RRBP1: variants seen among roughly 807,000 people sequenced by gnomAD.
RRBP1 encodes the protein ribosome binding protein 1.
In RRBP1, 94 loss-of-function variants were observed where a neutral mutation model predicts 165.2. The observed-to-expected ratio is 0.57, with a 90% confidence interval of 0.48 to 0.68. The LOEUF is 0.68. Ranked by LOEUF, RRBP1 falls within the 30% of genes least tolerant of loss-of-function variation. The pLI is 0.00. For missense variants in RRBP1, 1,676 were observed against 1,763.0 expected (o/e 0.95, Z 0.88); for synonymous variants, 680 against 714.5 (o/e 0.95, Z 0.77).
At chr20:17,637,810 G>A (rs894736788) in intron 5 of RRBP1, among the ~76,000 whole-genome samples, 3 of 152,206 alleles carry the variant, frequency 2.0e-5, no homozygotes, top group Non-Finnish European at 4.4e-5. Context: ...CGGGGTGAGA[G>A]GCCCACAGGA....
chr20:17,679,119 G>C (rs1207449606), intron 2 of RRBP1, among the ~76,000 whole-genome samples: 1 of 152,222 alleles, frequency 6.6e-6, no homozygotes, highest in Non-Finnish European at 1.5e-5. Context: ...TGACCAGCTG[G>C]ACCTCCACAT....
intron 8 of RRBP1, among the ~76,000 whole-genome samples, chr20:17,632,660 C>T (rs1235378054): frequency 3.7e-4 from 3 of 8,158 alleles, no homozygotes; most frequent in African/African-American, 5.8e-4. Context: ...GGCCCTAAGC[C>T]CCTGGGGTCT....
At chr20:17,651,938 A>ACCACTCCTGCCAGGTCTC (rs2036566615) in intron 3 of RRBP1, among the ~76,000 whole-genome samples, 1 of 152,196 alleles carries the variant, frequency 6.6e-6, no homozygotes, top group African/African-American at 2.4e-5. Context: ...TCCTGGGCCT[A>ACCACTCCTGCCAGGTCTC]CCACTCCTGC....
chr20:17,660,359 G>C lies in RRBP1; in HGVS notation c.149C>G (p.Ala50Gly). ...EALANQRKEMAKTHHQKVEKK... is the reference protein window; with the variant it reads ...EALANQRKEMGKTHHQKVEKK... ...CTCGACTTTCTGGTGGTGAGTTTTC[G>C]CCATCTCCTTGCGCTGGTTGGCTAG... The change falls in exon 3 of 25, where the codon GCG becomes GGG. Residue 50 changes from alanine to glycine, a missense_variant. Transcript: ENST00000377813. 6.2e-7 allele frequency: 1 copy of C among 1,613,734 alleles called. No homozygotes were observed. Among genetic ancestry groups the C allele is most frequent in the Non-Finnish European group, 8.5e-7 (1 of 1,179,952 alleles).
Position 17,627,687 on chromosome 20 carries a change from T to G in RRBP1, c.2750-5A>C. ...ACTGTAACTTGCTGTGCAGCTCTGG[T>G]GCAGAGGAAGGGAAACGAGAAGTTA... On this transcript the variant is annotated splice_region_variant and splice_polypyrimidine_tract_variant and intron_variant, in intron 9 of 24. Coordinates refer to ENST00000377813, the MANE Select transcript of RRBP1 (RefSeq NM_001365613.2). The G allele has an allele frequency of 6.3e-7, 1 of 1,584,520 alleles. No homozygotes were observed. Among genetic ancestry groups the G allele is most frequent in the Non-Finnish European group, 8.6e-7 (1 of 1,163,868 alleles).
At chr20:17,624,267 A>G (rs534183161) in intron 13 of RRBP1, among the ~76,000 whole-genome samples, 24 of 152,248 alleles carry the variant, frequency 1.6e-4, no homozygotes, top group African/African-American at 5.5e-4. Context: ...GGCCAAGGCC[A>G]CTCTGTGCGC....
chr20:17,630,199 T>A (rs1037890499), intron 8 of RRBP1, among the ~76,000 whole-genome samples: 3 of 152,224 alleles, frequency 2.0e-5, no homozygotes. Context: ...CCCAGTTCTT[T>A]TCTGAGTCCC....
chr20:17,660,754 C>G (rs1346000266), intron 2 of RRBP1, among the ~76,000 whole-genome samples: 1 of 152,178 alleles, frequency 6.6e-6, no homozygotes, highest in African/African-American at 2.4e-5. Flanking sequence ...TACAAAGCAA[C>G]AGCAGAGTCA....
intron 6 of RRBP1, among the ~76,000 whole-genome samples, chr20:17,636,023 G>A (rs1421004663): frequency 1.3e-5 from 2 of 152,232 alleles, no homozygotes; most frequent in East Asian, 3.9e-4. Context: ...CCCCCCTGAG[G>A]AAGCCTCGAT....
chr20:17,676,465 C>A (rs2122515181), intron 2 of RRBP1, among the ~76,000 whole-genome samples: 1 of 152,278 alleles, frequency 6.6e-6, no homozygotes, highest in South Asian at 2.1e-4. Flanking sequence ...GTCACTCACT[C>A]ACTCCAGGGA....
At chr20:17,637,021 T>C (rs1290181639) in intron 5 of RRBP1, among the ~76,000 whole-genome samples, 2 of 152,206 alleles carry the variant, frequency 1.3e-5, no homozygotes, top group Non-Finnish European at 2.9e-5. Context: ...GTGCTGTCCC[T>C]GGCTCTCCAG....
At chr20:17,631,694 G>T (rs889048445) in intron 8 of RRBP1, among the ~76,000 whole-genome samples, 7 of 152,230 alleles carry the variant, frequency 4.6e-5, no homozygotes, top group African/African-American at 1.7e-4. Context: ...TTCCAAGCAG[G>T]CCCCAAGAGG....
At chr20:17,671,438 C>T (rs1020528772) in intron 2 of RRBP1, among the ~76,000 whole-genome samples, 1 of 152,188 alleles carries the variant, frequency 6.6e-6, no homozygotes, top group African/African-American at 2.4e-5. Flanking sequence ...CTGGACTGAC[C>T]CAGGAACACT....
At chr20:17,642,042 T>C (rs1411346896) in intron 4 of RRBP1, 123 bp from the exon 5 acceptor site, 6 of 1,079,488 alleles carry the variant, frequency 5.6e-6, no homozygotes, top group Non-Finnish European at 8.0e-6. Context: ...GAGTCAAGGG[T>C]TCCACTGGGA....
chr20:17,627,779 AC>A (rs2036058697), intron 9 of RRBP1, 97 bp from the exon 10 acceptor site: 2 of 1,224,036 alleles, frequency 1.6e-6, no homozygotes, highest in Non-Finnish European at 2.2e-6. Flanking sequence ...CATGTGGGGC[AC>A]CGAGGGCTTC....
Position 17,643,267 on chromosome 20 carries a change from G to GCTCA in RRBP1, c.1913-141_1913-140insTGAG. ...TGCTTGGGGTCAGCAGGCTGAGCAT[G>GCTCA]GCGAGTCTGCTCCAGTGTCTCCTGC... On this transcript the variant is annotated intron_variant, in intron 3 of 24. Transcript: ENST00000377813. The surrounding 1 kb of genome is among the most constrained non-coding windows in gnomAD (Gnocchi z 4.3). 1.2e-6 allele frequency: 1 copy of GCTCA among 814,520 alleles called. No individual in the cohort carries two copies. The highest frequency in any genetic ancestry group is 1.9e-6 in the Non-Finnish European group (1 of 523,210). The allele number at this position is 814,520 out of a possible 1,614,324, so 50.5% of individuals were successfully genotyped here.
At chr20:17,667,443 T>C (rs2036893559) in intron 2 of RRBP1, among the ~76,000 whole-genome samples, 2 of 152,230 alleles carry the variant, frequency 1.3e-5, no homozygotes, top group Admixed American at 1.3e-4. Flanking sequence ...CACGGCCATT[T>C]ATCAACTTTC....
At chr20:17,666,877 A>C (rs544238933) in intron 2 of RRBP1, among the ~76,000 whole-genome samples, 1 of 38,550 alleles carries the variant, frequency 2.6e-5, no homozygotes, top group African/African-American at 6.9e-5. Context: ...ATTGCAGTTG[A>C]CATTTTCTCC....
chr20:17,615,395 C>T, intron 23 of RRBP1, 36 bp downstream of exon 23: 1 of 1,533,082 alleles, frequency 6.5e-7, no homozygotes, highest in South Asian at 1.2e-5. Flanking sequence ...CAGAGCAGAC[C>T]CTCCAGGTGT....
Sources: gnomAD v4.1 joint callset for allele counts (sites outside exome capture counted in the v4.1 genomes callset) on GRCh38, gnomAD v4.1.1 for gene constraint, Gnocchi (gnomAD v3.1) non-coding constraint, MANE v1.5 for transcripts, NCBI Gene and HGNC (gene_info 2026-07-23, HGNC 2026-07-21) for gene names.